MROH2A: variants seen among roughly 807,000 people sequenced by gnomAD.
MROH2A encodes the protein maestro heat like repeat family member 2A, also known as maestro heat-like repeat-containing protein family member 2A.
Under a neutral mutation model 200.4 loss-of-function variants are expected in MROH2A, and 174 were observed. The observed-to-expected ratio is 0.87, with a 90% CI of 0.77 to 0.98. The LOEUF is 0.98. Ranked by LOEUF, MROH2A falls within the 50% of genes least tolerant of loss-of-function variation. The probability of loss-of-function intolerance (pLI) is 0.00; values close to 1 mark genes in which losing one functional copy is unlikely to be tolerated. For missense variants in MROH2A, 2,045 were observed against 2,139.6 expected (o/e 0.96, Z 0.87); for synonymous variants, 829 against 840.4 (o/e 0.99, Z 0.23).
intron 34 of MROH2A, 113 bp downstream of exon 34, chr2:233,823,131 G>T: frequency 4.2e-6 from 5 of 1,182,626 alleles, no homozygotes; most frequent in Non-Finnish European, 4.7e-6. Flanking sequence ...CCTTCTTTCT[G>T]GGGGAACTGC....
At position 233,807,174 on chromosome 2, in the gene MROH2A, T is replaced by C. The variant is rs1702851256; in HGVS notation, c.2053-249T>C. Among the ~76,000 whole-genome samples, 1 of 151,994 alleles carries C rather than the reference T, an allele frequency of 6.6e-6. No individual in the cohort carries two copies. The highest frequency in any genetic ancestry group is 1.5e-5 in the Non-Finnish European group (1 of 68,026). ...TATATATATATATAATATGAACTGA[T>C]ATATGTATATATAAACTGATATATG... On this transcript the variant is annotated intron_variant, in intron 19 of 41. Transcript: ENST00000389758. This position sits in a 1 kb window ranked among gnomAD's most constrained non-coding sequence, Gnocchi z 4.3.
At chr2:233,802,809 G>A (rs751745135) in intron 15 of MROH2A, among the ~76,000 whole-genome samples, 1 of 152,224 alleles carries the variant, frequency 6.6e-6, no homozygotes, top group Non-Finnish European at 1.5e-5. Flanking sequence ...GGCCCCAAGG[G>A]CATCGCTGGT....
chr2:233,822,703 G>A, intron 33 of MROH2A, 147 bp downstream of exon 33: 1 of 1,129,424 alleles, frequency 8.9e-7, no homozygotes, highest in Non-Finnish European at 1.3e-6. Context: ...GTTCTCATGT[G>A]TGTCAAGCAC....
intron 39 of MROH2A, 119 bp downstream of exon 39, chr2:233,831,659 C>A (rs908020244): frequency 9.0e-7 from 1 of 1,114,062 alleles, no homozygotes; most frequent in African/African-American, 1.6e-5. Flanking sequence ...CCACACATGC[C>A]ATGTCGAGAC....
intron 3 of MROH2A, among the ~76,000 whole-genome samples, chr2:233,784,596 C>T (rs28948392): frequency 0.028 from 4,292 of 152,164 alleles, 183 homozygotes; most frequent in African/African-American, 0.074. Context: ...GGTGCCCTCC[C>T]TGTGGTAATG....
At chr2:233,789,440 T>C in intron 3 of MROH2A, 57 bp from the exon 4 acceptor site, 1 of 1,320,722 alleles carries the variant, frequency 7.6e-7, no homozygotes, top group Non-Finnish European at 9.7e-7. Context: ...GAGAGAGAGG[T>C]GGACTTGTGC....
At chr2:233,802,103 GT>G in intron 14 of MROH2A, 64 bp from the exon 15 acceptor site, 1 of 1,476,956 alleles carries the variant, frequency 6.8e-7, no homozygotes, top group Non-Finnish European at 9.1e-7. Flanking sequence ...GAGCCTGACT[GT>G]TCTCCTTAGA....
Position 233,829,007 on chromosome 2 carries a change from C to A in MROH2A, c.4381C>A (p.Arg1461=), listed in dbSNP as rs762835634. Residue 1461 remains arginine (R), a synonymous_variant, in exon 37 of 42, where the codon CGG becomes AGG. Transcript: ENST00000389758. ...CCTGACCAAGATCCTGGCTGAGCTCCGGGAAGGGGATGTGGGGTCCTCTTT... is the reference window on the plus strand; with the variant it reads ...CCTGACCAAGATCCTGGCTGAGCTCAGGGAAGGGGATGTGGGGTCCTCTTT... ...EALTKILAEL[R]EGDVGSSFDA... 1.2e-5 allele frequency: 19 copies of A among 1,550,204 alleles called. No homozygotes were observed. The highest frequency in any genetic ancestry group is 1.6e-5 in the Non-Finnish European group (18 of 1,146,904).
chr2:233,824,960 G>A (rs1704204865), intron 35 of MROH2A, among the ~76,000 whole-genome samples: 1 of 152,152 alleles, frequency 6.6e-6, no homozygotes, highest in South Asian at 2.1e-4. Context: ...CCATGAGCAT[G>A]GAATATTTTT....
chr2:233,828,717 G>A lies in MROH2A; in HGVS notation c.4201G>A (p.Glu1401Lys), dbSNP rs564360756. The change falls in exon 36 of 42, where the codon GAG (glutamate) becomes AAG (lysine). Residue 1401 changes from glutamate to lysine, a missense_variant. This residue lies in a region of MROH2A where 1,201 missense variants were observed against 1,311.3 expected (regional missense o/e 0.92). Coordinates refer to ENST00000389758, the MANE Select transcript of MROH2A (RefSeq NM_001394639.1). The surrounding 1 kb of genome is among the most constrained non-coding windows in gnomAD (Gnocchi z 4.6). The stretch of plus-strand genomic sequence containing the variant: ...GAAGGGTGCCGACCAGGAGGAAGAC[G>A]AGGCCCTGCGGGTGCTGTCCCTGCG... ...LEKGADQEEDEALRVLSLRAL... is the reference protein window; with the variant it reads ...LEKGADQEEDKALRVLSLRAL... 56 of 1,550,668 alleles carry A rather than the reference G, an allele frequency of 3.6e-5. 2 individuals are homozygous for A. The East Asian group carries it at 8.1e-4, about 22-fold the overall frequency.
chr2:233,804,344 G>A, intron 17 of MROH2A, 151 bp from the exon 18 acceptor site: 3 of 1,320,176 alleles, frequency 2.3e-6, no homozygotes, highest in Non-Finnish European at 3.1e-6. Flanking sequence ...TGAGCAGCTT[G>A]GGAAGGTGAG....
intron 35 of MROH2A, among the ~76,000 whole-genome samples, chr2:233,824,854 T>C (rs1704196657): frequency 6.6e-6 from 1 of 152,260 alleles, no homozygotes; most frequent in South Asian, 2.1e-4. Context: ...TTTCTAATTC[T>C]GTGAAGAATG....
chr2:233,786,973 T>C (rs1332949436), intron 3 of MROH2A, among the ~76,000 whole-genome samples: 1 of 152,154 alleles, frequency 6.6e-6, no homozygotes, highest in Admixed American at 6.5e-5. Context: ...ACACGTGCAT[T>C]GTTATCAGTT....
chr2:233,779,674 C>T lies in MROH2A; in HGVS notation c.98C>T (p.Thr33Ile). 6.4e-7 allele frequency: 1 copy of T among 1,551,044 alleles called. No individual in the cohort carries two copies. Among genetic ancestry groups the T allele is most frequent in the Non-Finnish European group, 8.7e-7 (1 of 1,147,062 alleles). Residue 33 changes from threonine to isoleucine, a missense_variant, in exon 3 of 42, where the codon ACC (threonine) becomes ATC (isoleucine). Around this residue, in one of 3 missense-constraint regions of MROH2A, gnomAD observed 831 missense variants for 800.0 expected, o/e 1.04. Coordinates refer to ENST00000389758, the MANE Select transcript of MROH2A (RefSeq NM_001394639.1). The part of the protein sequence containing the change: ...LGPLELHDSG[T>I]FQQVVNLLDI... The stretch of plus-strand genomic sequence containing the variant: ...TGGGTGGCGTTTGTTTTCATAGGTA[C>T]CTTTCAACAAGTCGTGAACCTTCTG...
chr2:233,806,362 A>G (rs1031806696), intron 19 of MROH2A, among the ~76,000 whole-genome samples: 1 of 152,190 alleles, frequency 6.6e-6, no homozygotes. Flanking sequence ...CATCTCCAAA[A>G]ACAATAATAT....
intron 40 of MROH2A, 97 bp from the exon 41 acceptor site, chr2:233,832,479 TTCA>T (rs1422957638): frequency 1.8e-6 from 2 of 1,085,052 alleles, no homozygotes; most frequent in African/African-American, 3.1e-5. Context: ...AACAAAATCT[TTCA>T]TCAATGCTCT....
Position 233,822,528 on chromosome 2 carries a change from C to A in MROH2A, c.3838C>A (p.Pro1280Thr), listed in dbSNP as rs1704016690. 1.9e-6 allele frequency: 3 copies of A among 1,550,230 alleles called. No homozygotes were observed. The highest frequency in any genetic ancestry group is 4.9e-5 in the East Asian group (2 of 40,928). Residue 1280 changes from proline (P) to threonine (T), a missense_variant, in exon 33 of 42, where the codon CCT (proline) becomes ACT (threonine). Pro to Thr is a conservative substitution (Grantham distance 38, BLOSUM62 -1). Coordinates refer to ENST00000389758, the MANE Select transcript of MROH2A (RefSeq NM_001394639.1). ...GATGTGGAAGCTGGTCCACACCACT[C>A]CTCTGCCGGAGGAGATGAACCTGCA... ...LKMWKLVHTT[P>T]LPEEMNLQRV...
upstream of MROH2A, among the ~76,000 whole-genome samples, chr2:233,777,615 G>A (rs890926345): frequency 6.6e-6 from 1 of 152,246 alleles, no homozygotes; most frequent in Non-Finnish European, 1.5e-5. Context: ...AGAGTAATGA[G>A]CTCCCTCGTA....
At chr2:233,825,732 G>T (rs566609492) in intron 35 of MROH2A, among the ~76,000 whole-genome samples, 1 of 152,154 alleles carries the variant, frequency 6.6e-6, no homozygotes, top group East Asian at 1.9e-4. Flanking sequence ...ATTTTATTGA[G>T]AATTTTTGCA....
Sources: allele counts gnomAD v4.1 joint callset (sites outside exome capture counted in the v4.1 genomes callset), GRCh38; gene constraint gnomAD v4.1.1; regional missense constraint gnomAD v4.1.1; non-coding constraint Gnocchi (gnomAD v3.1); transcripts MANE v1.5; gene names NCBI Gene and HGNC (gene_info 2026-07-23, HGNC 2026-07-21).